KHDRBS2: variants seen among roughly 807,000 people sequenced by gnomAD.
KHDRBS2 encodes KH RNA binding domain containing, signal transduction associated 2, also known as KH domain-containing, RNA-binding, signal transduction-associated protein 2.
A neutral mutation model predicts 44.3 loss-of-function variants in KHDRBS2; 26 were observed. The ratio of observed to expected loss-of-function variants is 0.59; its 90% confidence interval spans 0.43 to 0.81. KHDRBS2 has a LOEUF of 0.81. Ranked by LOEUF, KHDRBS2 falls within the 40% of genes least tolerant of loss-of-function variation. The pLI, the probability that KHDRBS2 is intolerant of heterozygous loss-of-function variation, is 0.00. For missense variants in KHDRBS2, 476 were observed against 433.1 expected, an observed-to-expected ratio of 1.10 and a Z score of -0.88; for synonymous variants, 194 against 151.1, an observed-to-expected ratio of 1.28 and a Z score of -2.08.
intron 1 of KHDRBS2, among the ~76,000 whole-genome samples, chr6:62,252,558 C>A (rs1031911555): frequency 6.6e-6 from 1 of 151,878 alleles, no homozygotes; most frequent in African/African-American, 2.4e-5. Flanking sequence ...TATCAGATTT[C>A]TTTTCATTAA....
chr6:61,822,630 T>A (rs1477216197), intron 6 of KHDRBS2, among the ~76,000 whole-genome samples: 2 of 152,096 alleles, frequency 1.3e-5, no homozygotes, highest in African/African-American at 4.8e-5. Context: ...CACCCTAAAA[T>A]TTTTCTTATT....
chr6:61,612,978 G>C, the KHDRBS2 span, among the ~76,000 whole-genome samples: 1 of 148,834 alleles, frequency 6.7e-6, no homozygotes, highest in South Asian at 2.2e-4. Flanking sequence ...TCAGCCTCCC[G>C]AGTAGCTGGG....
intron 6 of KHDRBS2, among the ~76,000 whole-genome samples, chr6:61,872,369 A>C (rs113908255): frequency 0.067 from 10,203 of 152,158 alleles, 404 homozygotes; most frequent in Middle Eastern, 0.13. Flanking sequence ...AAATATAATA[A>C]ATTTTAGAAA....
At chr6:61,906,144 C>T (rs958821006) in intron 4 of KHDRBS2, among the ~76,000 whole-genome samples, 8 of 152,064 alleles carry the variant, frequency 5.3e-5, no homozygotes, top group Admixed American at 2.6e-4. Flanking sequence ...CCGCGCCTGG[C>T]GGAAAACATT....
chr6:61,749,642 G>A (rs930117921), intron 6 of KHDRBS2, among the ~76,000 whole-genome samples: 2 of 152,082 alleles, frequency 1.3e-5, no homozygotes, highest in African/African-American at 4.8e-5. Flanking sequence ...TGAACTAGTA[G>A]CTTGGATGAC....
the KHDRBS2 span, among the ~76,000 whole-genome samples, chr6:61,632,698 T>A: frequency 6.6e-6 from 1 of 152,232 alleles, no homozygotes; most frequent in East Asian, 1.9e-4. Flanking sequence ...TTCATTGCTC[T>A]GTTGGTTGAA....
At chr6:61,965,747 G>T (rs1199107746) in intron 4 of KHDRBS2, among the ~76,000 whole-genome samples, 2 of 152,000 alleles carry the variant, frequency 1.3e-5, no homozygotes, top group Admixed American at 6.6e-5. Flanking sequence ...TACTTTAGAG[G>T]ATAAGTTAAG....
At chr6:61,783,450 A>G (rs1271723872) in intron 6 of KHDRBS2, among the ~76,000 whole-genome samples, 1 of 152,134 alleles carries the variant, frequency 6.6e-6, no homozygotes, top group Non-Finnish European at 1.5e-5. Flanking sequence ...TGTTCCTAGC[A>G]CTGCATCTAG....
At chr6:62,061,083 G>A (rs1264292544) in intron 2 of KHDRBS2, among the ~76,000 whole-genome samples, 3 of 151,790 alleles carry the variant, frequency 2.0e-5, no homozygotes, top group African/African-American at 7.3e-5. Context: ...AAGTTAGATG[G>A]GTTTCCTGAA....
intron 1 of KHDRBS2, among the ~76,000 whole-genome samples, chr6:62,179,856 G>GT (rs748922369): frequency 6.6e-6 from 1 of 151,612 alleles, no homozygotes; most frequent in Non-Finnish European, 1.5e-5. Context: ...TTCTTCTGAA[G>GT]TTTTTTGGTA....
At chr6:61,990,620 T>C (rs1227420036) in intron 3 of KHDRBS2, among the ~76,000 whole-genome samples, 2 of 152,124 alleles carry the variant, frequency 1.3e-5, no homozygotes, top group Non-Finnish European at 2.9e-5. Flanking sequence ...AAGAATAACA[T>C]CTTCTGAACA....
intron 2 of KHDRBS2, among the ~76,000 whole-genome samples, chr6:62,153,041 GA>G (rs1815569205): frequency 6.6e-6 from 1 of 152,168 alleles, no homozygotes; most frequent in Non-Finnish European, 1.5e-5. Context: ...GCTTGGAGGG[GA>G]AACCCTGGAT....
At chr6:61,967,825 C>T (rs1770388223) in intron 4 of KHDRBS2, among the ~76,000 whole-genome samples, 1 of 147,366 alleles carries the variant, frequency 6.8e-6, no homozygotes, top group Non-Finnish European at 1.5e-5. Context: ...TCTCTCTGGC[C>T]TTTTCTCTCT....
At chr6:61,602,881 T>A in the KHDRBS2 span, among the ~76,000 whole-genome samples, 1 of 152,156 alleles carries the variant, frequency 6.6e-6, no homozygotes, top group Non-Finnish European at 1.5e-5. Flanking sequence ...ACATTTTAAC[T>A]AAATTGTCTG....
chr6:62,043,255 A>C (rs998898913), intron 3 of KHDRBS2, among the ~76,000 whole-genome samples: 2 of 152,072 alleles, frequency 1.3e-5, no homozygotes, highest in Non-Finnish European at 2.9e-5. Context: ...GCAACACTCT[A>C]TCTGAAGCTA....
rs529750243 is a variant in KHDRBS2, at chr6:61,821,777, C to T, written c.810+72858G>A. On this transcript the variant is annotated intron_variant, in intron 6 of 8. Transcript: ENST00000281156. ...GATTGCTTCCATTTTTAGTGGGTGT[C>T]ACATTGTTAAGATTTTTTTTTCCAT... Among the ~76,000 whole-genome samples, 5 of 145,860 alleles carry T rather than the reference C, an allele frequency of 3.4e-5. No individual in the cohort carries two copies. The East Asian group carries it at 9.9e-4, about 29-fold the overall frequency.
At chr6:61,606,680 T>C in the KHDRBS2 span, among the ~76,000 whole-genome samples, 2 of 152,152 alleles carry the variant, frequency 1.3e-5, no homozygotes, top group East Asian at 3.9e-4. Flanking sequence ...TATGCAGATG[T>C]AACCTCACAG....
At chr6:61,839,118 G>T (rs1275762856) in intron 6 of KHDRBS2, among the ~76,000 whole-genome samples, 1 of 152,028 alleles carries the variant, frequency 6.6e-6, no homozygotes, top group Non-Finnish European at 1.5e-5. Context: ...ATTTTATAGA[G>T]ATGGGGTGGG....
chr6:61,662,000 C>G, the KHDRBS2 span, among the ~76,000 whole-genome samples: 1 of 151,972 alleles, frequency 6.6e-6, no homozygotes, highest in East Asian at 1.9e-4. Context: ...TCAAACTATA[C>G]TACAATGCTA....
Sources: gnomAD v4.1 joint callset for allele counts (sites outside exome capture counted in the v4.1 genomes callset) on GRCh38, gnomAD v4.1.1 for gene constraint, MANE v1.5 for transcripts, NCBI Gene and HGNC (gene_info 2026-07-23, HGNC 2026-07-21) for gene names.